ME3: variants seen among roughly 807,000 people sequenced by gnomAD.
ME3 encodes the protein malic enzyme 3, also known as NADP-dependent malic enzyme, mitochondrial.
In ME3, 48 loss-of-function variants were observed where a neutral mutation model predicts 68.9. That is an observed-to-expected ratio of 0.70 (90% CI 0.55 to 0.89). The LOEUF (loss-of-function observed/expected upper bound fraction) is 0.89. Ranked by LOEUF, ME3 falls within the 40% of genes least tolerant of loss-of-function variation. The pLI is 0.00. For synonymous variants in ME3, 320 were observed against 318.8 expected (o/e 1.00, Z -0.04); for missense variants, 675 against 797.4 (o/e 0.85, Z 1.85).
chr11:86,628,206 T>C (rs1308235286), intron 2 of ME3, among the ~76,000 whole-genome samples: 2 of 152,246 alleles, frequency 1.3e-5, no homozygotes, highest in East Asian at 3.8e-4. Flanking sequence ...GTCAATCCTT[T>C]GGCTCGCTCT....
Position 86,487,323 on chromosome 11 carries a change from A to G in ME3, c.809+14T>C, listed in dbSNP as rs756988785. The G allele has an allele frequency of 4.4e-6, 7 of 1,608,162 alleles. No individual in the cohort carries two copies. The Admixed American group carries it at 1.2e-4, about 27-fold the overall frequency. On this transcript the variant is annotated intron_variant, in intron 7 of 14. Coordinates refer to ENST00000543262, the Ensembl canonical transcript of ME3. ...AAAAGTCCTCTTTCAAAAGGGACAG[A>G]CTGGTCCACTTACTTGTCTGTCACA...
At chr11:86,661,321 C>G (rs1388355328) in intron 2 of ME3, among the ~76,000 whole-genome samples, 1 of 152,170 alleles carries the variant, frequency 6.6e-6, no homozygotes, top group Non-Finnish European at 1.5e-5. Flanking sequence ...GATGCTGAAC[C>G]CTGAAGCATG....
intron 2 of ME3, among the ~76,000 whole-genome samples, chr11:86,563,022 A>T (rs1051203288): frequency 6.6e-5 from 10 of 152,286 alleles, no homozygotes; most frequent in Admixed American, 5.2e-4. Flanking sequence ...AAGGCTGCAT[A>T]GTATTCCATG....
At chr11:86,559,779 G>A (rs893563917) in exon 3 of ME3, 12 of 1,613,896 alleles carry the variant, frequency 7.4e-6, no homozygotes, top group Middle Eastern at 1.6e-4. Context: ...GGATTAGGCC[G>A]TGGATTCCAA....
At chr11:86,528,357 A>G (rs912850260) in intron 4 of ME3, among the ~76,000 whole-genome samples, 91 of 152,350 alleles carry the variant, frequency 6.0e-4, no homozygotes, top group Non-Finnish European at 1.0e-3. Context: ...TTCATAAAGC[A>G]AGTCCTTAGA....
At chr11:86,571,072 A>C (rs1245910421) in intron 2 of ME3, among the ~76,000 whole-genome samples, 1 of 152,196 alleles carries the variant, frequency 6.6e-6, no homozygotes, top group East Asian at 1.9e-4. Context: ...TACAGTTTTA[A>C]ATCTTTTTAG....
At chr11:86,618,245 A>T (rs1024243993) in intron 2 of ME3, among the ~76,000 whole-genome samples, 1 of 133,506 alleles carries the variant, frequency 7.5e-6, no homozygotes, top group Non-Finnish European at 1.6e-5. Context: ...GGCTGCAGTG[A>T]GCTGAGATTG....
At chr11:86,658,997 C>T (rs1361647491) in intron 2 of ME3, among the ~76,000 whole-genome samples, 1 of 152,114 alleles carries the variant, frequency 6.6e-6, no homozygotes, top group East Asian at 1.9e-4. Context: ...AATCTACTGC[C>T]TAGAATAGAC....
At chr11:86,577,641 T>C (rs1212594484) in intron 2 of ME3, among the ~76,000 whole-genome samples, 2 of 152,236 alleles carry the variant, frequency 1.3e-5, no homozygotes, top group East Asian at 3.8e-4. Context: ...TCATAACTTT[T>C]TAAAAAATGA....
chr11:86,560,773 T>TA, intron 2 of ME3, among the ~76,000 whole-genome samples: 1 of 140,146 alleles, frequency 7.1e-6, no homozygotes, highest in African/African-American at 2.7e-5. Context: ...TATATATATA[T>TA]TTCCAGGACC....
At chr11:86,623,225 G>A (rs758386341) in intron 2 of ME3, among the ~76,000 whole-genome samples, 15 of 152,144 alleles carry the variant, frequency 9.9e-5, no homozygotes, top group Non-Finnish European at 1.8e-4. Context: ...GGCAGAGGAA[G>A]GGTGCATTGT....
At chr11:86,560,746 G>GTATATATATATATATATATATA (rs1456434091) in intron 2 of ME3, among the ~76,000 whole-genome samples, 4 of 90,256 alleles carry the variant, frequency 4.4e-5, no homozygotes, top group African/African-American at 1.4e-4. Flanking sequence ...GTGTGTGTGT[G>GTATATATATATATATATATATA]TGTATATATA....
At chr11:86,529,337 A>G (rs1955022377) in intron 4 of ME3, among the ~76,000 whole-genome samples, 1 of 152,188 alleles carries the variant, frequency 6.6e-6, no homozygotes, top group Non-Finnish European at 1.5e-5. Context: ...TGGACCAATA[A>G]CAGGCTCTGA....
Position 86,612,333 on chromosome 11 carries a change from TC to T in ME3, c.184-52511del, listed in dbSNP as rs1189690285. Among the ~76,000 whole-genome samples the T allele has an allele frequency of 2.0e-5, 3 of 152,230 alleles. No individual in the cohort carries two copies. The East Asian group carries it at 5.8e-4, about 29-fold the overall frequency. On this transcript the variant is annotated intron_variant, in intron 2 of 14. Coordinates refer to ENST00000543262, the Ensembl canonical transcript of ME3. ...ATCATTGATGACCATTTGGGTTGGTTCTATGTCTTTGCTATTGTAAATAGTG... is the reference window on the plus strand; with the variant it reads ...ATCATTGATGACCATTTGGGTTGGTTTATGTCTTTGCTATTGTAAATAGTG...
At chr11:86,462,585 T>C in intron 8 of ME3, 1 of 1,286,824 alleles carries the variant, frequency 7.8e-7, no homozygotes, top group South Asian at 1.2e-5. Context: ...TGGGTGTGCT[T>C]ATGAGGATGT....
At chr11:86,611,292 A>G (rs1339541456) in intron 2 of ME3, among the ~76,000 whole-genome samples, 1 of 152,158 alleles carries the variant, frequency 6.6e-6, no homozygotes, top group Non-Finnish European at 1.5e-5. Context: ...TTAATTATGA[A>G]TAAAGCCTCT....
intron 2 of ME3, among the ~76,000 whole-genome samples, chr11:86,650,652 C>T (rs1945342277): frequency 1.3e-5 from 2 of 152,324 alleles, no homozygotes; most frequent in Non-Finnish European, 2.9e-5. Context: ...CTCCAGTCTA[C>T]AGCTCCCAGT....
At chr11:86,659,539 G>A (rs1199300302) in intron 2 of ME3, among the ~76,000 whole-genome samples, 1 of 152,180 alleles carries the variant, frequency 6.6e-6, no homozygotes, top group Non-Finnish European at 1.5e-5. Flanking sequence ...TTTGTCTTCT[G>A]GGGGGATGAT....
At chr11:86,442,267 A>C (rs1949040342) in intron 14 of ME3, among the ~76,000 whole-genome samples, 2 of 152,212 alleles carry the variant, frequency 1.3e-5, no homozygotes, top group Non-Finnish European at 2.9e-5. Context: ...ATAGCCAGCC[A>C]TTCTGAGAAA....
Sources: allele counts gnomAD v4.1 joint callset (sites outside exome capture counted in the v4.1 genomes callset), GRCh38; gene constraint gnomAD v4.1.1; transcripts MANE v1.5; gene names NCBI Gene and HGNC (gene_info 2026-07-23, HGNC 2026-07-21).